Variants in LCOR observed in about 807,000 individuals in gnomAD.
LCOR encodes the protein ligand dependent nuclear receptor corepressor, also known as ligand-dependent corepressor.
A neutral mutation model predicts 64.4 loss-of-function variants in LCOR; 14 were observed. The observed-to-expected ratio is 0.22, with a 90% CI of 0.14 to 0.34. LCOR has a LOEUF of 0.34. Among genes scored for constraint, LCOR ranks in the 10% least tolerant of loss-of-function variants. The probability of loss-of-function intolerance (pLI) is 1.00; values close to 1 mark genes in which losing one functional copy is unlikely to be tolerated. For synonymous variants in LCOR, 643 were observed against 642.5 expected, an observed-to-expected ratio of 1.00 and a Z score of -0.01; for missense variants, 1,686 against 1,765.3, an observed-to-expected ratio of 0.96 and a Z score of 0.80.
At chr10:96,876,321 CCTTA>C (rs1846163628) in intron 2 of LCOR, among the ~76,000 whole-genome samples, 1 of 152,156 alleles carries the variant, frequency 6.6e-6, no homozygotes, top group Admixed American at 6.5e-5. Flanking sequence ...ACCCTGATGA[CCTTA>C]CTTAATCCTA....
chr10:96,989,695 A>ATATATATATATATATATTTTTTT lies in LCOR; in HGVS notation c.*4562_*4563insATATATATATATATATTTTTTTT. On this transcript the variant is annotated 3_prime_UTR_variant, in exon 8 of 8. Coordinates refer to ENST00000421806, the MANE Select transcript of LCOR (RefSeq NM_001346516.2). ...TAAGGATATATATATATATATATAT[A>ATATATATATATATATATTTTTTT]TTTTTTTTTTTTTTTTTTTTTTTTA... 1.2e-5 allele frequency: 1 copy of ATATATATATATATATATTTTTTT among 86,158 alleles called. No individual in the cohort carries two copies. The highest frequency in any genetic ancestry group is 1.3e-4 in the Admixed American group (1 of 7,502). 5.3% of individuals were successfully genotyped at this position (86,158 alleles called of 1,614,324 possible).
intron 4 of LCOR, among the ~76,000 whole-genome samples, chr10:96,919,959 A>G (rs1422492495): frequency 6.6e-6 from 1 of 152,196 alleles, no homozygotes. Context: ...GAACATGGGT[A>G]TACAGATACC....
chr10:96,850,810 T>C (rs575569951), intron 2 of LCOR, among the ~76,000 whole-genome samples: 1 of 152,326 alleles, frequency 6.6e-6, no homozygotes, highest in Non-Finnish European at 1.5e-5. Context: ...GAGAAATTTA[T>C]TGACAGATTT....
chr10:96,991,022 T>TAAAAAAAAAA lies in LCOR; in HGVS notation c.*5902_*5911dup, dbSNP rs769810945. The stretch of plus-strand genomic sequence containing the variant: ...TTTTACCCTTTTTTAAAGGGTTATG[T>TAAAAAAAAAA]AAAAAAAAAAAAAAAAAAAAAAAGC... On this transcript the variant is annotated 3_prime_UTR_variant, in exon 8 of 8. Coordinates refer to ENST00000421806, the MANE Select transcript of LCOR (RefSeq NM_001346516.2). The TAAAAAAAAAA allele has an allele frequency of 1.3e-5, 1 of 77,262 alleles. No individual in the cohort carries two copies. The highest frequency in any genetic ancestry group is 2.7e-5 in the Non-Finnish European group (1 of 37,126). 4.8% of individuals were successfully genotyped at this position (77,262 alleles called of 1,614,324 possible). A position where few individuals can be genotyped will look rare whatever the true frequency, so the allele number is the denominator to read the frequency against.
chr10:96,897,820 A>G (rs1488574803), intron 2 of LCOR, among the ~76,000 whole-genome samples: 1 of 149,728 alleles, frequency 6.7e-6, no homozygotes, highest in Admixed American at 6.6e-5. Flanking sequence ...TTCTGGTTTT[A>G]GTCTATAGAT....
At chr10:96,950,037 C>A (rs1847650886) in intron 6 of LCOR, among the ~76,000 whole-genome samples, 1 of 152,084 alleles carries the variant, frequency 6.6e-6, no homozygotes, top group Admixed American at 6.6e-5. Context: ...CCTTTAATTT[C>A]ACAAAAATTG....
chr10:96,988,949 A>G lies in LCOR; in HGVS notation c.*3815A>G, dbSNP rs1848172494. On this transcript the variant is annotated 3_prime_UTR_variant, in exon 8 of 8. Coordinates refer to ENST00000421806, the MANE Select transcript of LCOR (RefSeq NM_001346516.2). ...GAGACCCGTGTGGCCCTTACAGCCT[A>G]AGATACTATCTGGACCTTCAGAAAA... The G allele has an allele frequency of 6.6e-6, 1 of 152,212 alleles. No homozygotes were observed. Among genetic ancestry groups the G allele is most frequent in the Admixed American group, 6.5e-5 (1 of 15,290 alleles). The allele number at this position is 152,212 out of a possible 1,614,324, so 9.4% of individuals were successfully genotyped here.
At chr10:96,853,090 A>G (rs539737428) in intron 2 of LCOR, among the ~76,000 whole-genome samples, 2 of 152,230 alleles carry the variant, frequency 1.3e-5, no homozygotes, top group South Asian at 4.2e-4. Context: ...TCTGTTGCCC[A>G]GGCTGGAGTG....
chr10:96,857,082 A>G (rs977741443), intron 2 of LCOR, among the ~76,000 whole-genome samples: 9 of 146,132 alleles, frequency 6.2e-5, no homozygotes, highest in Non-Finnish European at 1.3e-4. Flanking sequence ...CTATAGATAT[A>G]TATATGTATA....
chr10:96,854,027 G>A (rs1845763471), intron 2 of LCOR, among the ~76,000 whole-genome samples: 1 of 152,138 alleles, frequency 6.6e-6, no homozygotes, highest in Admixed American at 6.6e-5. Flanking sequence ...GGATTATGGA[G>A]ATTACAATTC....
intron 5 of LCOR, among the ~76,000 whole-genome samples, chr10:96,947,635 A>G (rs1318363220): frequency 6.6e-6 from 1 of 152,168 alleles, no homozygotes; most frequent in Non-Finnish European, 1.5e-5. Context: ...CAAAGGTCAC[A>G]GGTAAAACAG....
In LCOR at chr10:96,986,408, C is replaced by G. The variant is rs867246355; in HGVS notation, c.*1274C>G. The G allele has an allele frequency of 7.9e-5, 12 of 152,454 alleles. No homozygotes were observed. The highest frequency in any genetic ancestry group is 2.1e-4 in the South Asian group (1 of 4,828). 9.4% of individuals were successfully genotyped at this position (152,454 alleles called of 1,614,324 possible). The stretch of plus-strand genomic sequence containing the variant: ...GCATCTGTGAAGAGCCCACACACCC[C>G]CTACACCCAGAGCTGATGTTCAGCT... On this transcript the variant is annotated 3_prime_UTR_variant, in exon 8 of 8. Coordinates refer to ENST00000421806, the MANE Select transcript of LCOR (RefSeq NM_001346516.2).
At chr10:96,973,602 G>A (rs1459699790) in intron 7 of LCOR, among the ~76,000 whole-genome samples, 2 of 152,176 alleles carry the variant, frequency 1.3e-5, no homozygotes, top group Non-Finnish European at 2.9e-5. Flanking sequence ...ATGCCTTGAA[G>A]AGGGGGTGAG....
At chr10:96,886,027 G>A (rs938519847) in intron 2 of LCOR, among the ~76,000 whole-genome samples, 37 of 152,086 alleles carry the variant, frequency 2.4e-4, no homozygotes, top group Admixed American at 6.5e-5. Context: ...ACGGGCATGC[G>A]CCACCATGTC....
intron 4 of LCOR, among the ~76,000 whole-genome samples, chr10:96,911,473 G>T (rs1846833771): frequency 6.6e-6 from 1 of 152,184 alleles, no homozygotes; most frequent in South Asian, 2.1e-4. Flanking sequence ...GAAAAGGAAA[G>T]GGTCAGAGAT....
chr10:96,934,705 G>T (rs1224768674), intron 4 of LCOR, among the ~76,000 whole-genome samples: 2 of 151,946 alleles, frequency 1.3e-5, no homozygotes, highest in Admixed American at 6.5e-5. Context: ...GGGTTCAGGA[G>T]ATTCTCGTGC....
In LCOR at chr10:96,853,128, T is replaced by C. The variant is rs576744563; in HGVS notation, c.-330+19649T>C. ...GTGGTGTGATCTTGGCTCACCGCAC[T>C]GCAGCCTCCACCTTCCGGGTTCAAG... On this transcript the variant is annotated intron_variant, in intron 2 of 7. Transcript: ENST00000421806. 3.9e-5 allele frequency among the ~76,000 whole-genome samples: 6 copies of C among 152,252 alleles called. No individual in the cohort carries two copies. The East Asian group carries it at 1.2e-3, about 29-fold the overall frequency.
intron 2 of LCOR, among the ~76,000 whole-genome samples, chr10:96,865,868 C>CT (rs1269045124): frequency 1.6e-5 from 2 of 126,036 alleles, no homozygotes; most frequent in African/African-American, 7.3e-5. Context: ...GAGCGAGACT[C>CT]TGTCTCAAAA....
At position 96,908,967 on chromosome 10, in the gene LCOR, G is replaced by A. The variant is rs537506996; in HGVS notation, c.-184+1220G>A. On this transcript the variant is annotated intron_variant, in intron 4 of 7. Coordinates refer to ENST00000421806, the MANE Select transcript of LCOR (RefSeq NM_001346516.2). ...CCTGACCTTGTGATCCGCCCGCCTC[G>A]GCCTCCCAAAGTGCTAGGATTACAG... Among the ~76,000 whole-genome samples, 7 of 151,644 alleles carry A rather than the reference G, an allele frequency of 4.6e-5. No homozygotes were observed. The East Asian group carries it at 5.8e-4, about 13-fold the overall frequency.
Sources: gnomAD v4.1 joint callset for allele counts (sites outside exome capture counted in the v4.1 genomes callset) on GRCh38, gnomAD v4.1.1 for gene constraint, MANE v1.5 for transcripts, NCBI Gene and HGNC (gene_info 2026-07-23, HGNC 2026-07-21) for gene names.